The following SLC1A2 variants were observed in gnomAD, a reference collection of about 807,000 sequenced individuals.
The protein encoded by SLC1A2 is solute carrier family 1 member 2.
A neutral mutation model predicts 48.8 loss-of-function variants in SLC1A2; 15 were observed. The observed-to-expected ratio is 0.31, with a 90% CI of 0.21 to 0.47. SLC1A2 has a LOEUF of 0.47. SLC1A2 is among the 20% of genes least tolerant of loss of function. The pLI, the probability that SLC1A2 is intolerant of heterozygous loss-of-function variation, is 0.99. For synonymous variants in SLC1A2, 279 were observed against 272.6 expected (o/e 1.02, Z -0.23); for missense variants, 502 against 730.5 (o/e 0.69, Z 3.61).
At chr11:35,280,748 G>T in intron 9 of SLC1A2, 119 bp downstream of exon 9, 1 of 613,642 alleles carries the variant, frequency 1.6e-6, no homozygotes, top group Non-Finnish European at 2.9e-6. Context: ...GAAGGAGGAA[G>T]GAAGAGTGAG....
At position 35,256,935 on chromosome 11, in the gene SLC1A2, G is replaced by C. The variant is rs1950322030; in HGVS notation, c.*3959C>G. On this transcript the variant is annotated 3_prime_UTR_variant, in exon 11 of 11. Transcript: ENST00000278379. ...TCTCTGAGCACGGATATACCTACTT[G>C]GATTTACTGCTGCATTCCATGGGAA... 1 of 152,154 alleles carries C rather than the reference G, an allele frequency of 6.6e-6. No homozygotes were observed. The allele number at this position is 152,154 out of a possible 1,614,324, so 9.4% of individuals were successfully genotyped here.
intron 1 of SLC1A2, among the ~76,000 whole-genome samples, chr11:35,358,824 A>C (rs1302247190): frequency 6.6e-6 from 1 of 152,188 alleles, no homozygotes; most frequent in Non-Finnish European, 1.5e-5. Flanking sequence ...GAAAAAAAGA[A>C]AGAGTAATTT....
At position 35,342,395 on chromosome 11, in the gene SLC1A2, C is replaced by T. The variant is rs372699234; in HGVS notation, c.18-24879G>A. Among the ~76,000 whole-genome samples the T allele has an allele frequency of 2.0e-5, 3 of 152,244 alleles. No homozygotes were observed. In the Middle Eastern group the frequency reaches 0.01, roughly 518 times the overall value. On this transcript the variant is annotated intron_variant, in intron 1 of 10. Coordinates refer to ENST00000278379, the MANE Select transcript of SLC1A2 (RefSeq NM_004171.4). ...CTCCAAGCTCACCCGATGCAGATAC[C>T]GACAAAAAGTAACTTTCTGCCCAAA... is the stretch of plus-strand genomic sequence containing the variant.
chr11:35,407,766 C>T (rs946236014), intron 1 of SLC1A2, among the ~76,000 whole-genome samples: 5 of 152,146 alleles, frequency 3.3e-5, no homozygotes, highest in African/African-American at 1.2e-4. Flanking sequence ...CTCTTGACTC[C>T]CTTCCTTACT....
At chr11:35,308,622 T>C (rs1475408404) in intron 4 of SLC1A2, among the ~76,000 whole-genome samples, 1 of 152,186 alleles carries the variant, frequency 6.6e-6, no homozygotes, top group East Asian at 1.9e-4. Context: ...GCCAAACTCA[T>C]TCTTTTATAG....
chr11:35,322,615 T>A, intron 1 of SLC1A2: 1 of 1,535,210 alleles, frequency 6.5e-7, no homozygotes, highest in Non-Finnish European at 8.7e-7. Context: ...GGCTTCAGGA[T>A]CTGGAGAGGT....
intron 9 of SLC1A2, among the ~76,000 whole-genome samples, chr11:35,271,930 C>A (rs1850291176): frequency 6.6e-6 from 1 of 151,920 alleles, no homozygotes. Flanking sequence ...GTGATAGAAG[C>A]CAGCTCACTA....
intron 1 of SLC1A2, among the ~76,000 whole-genome samples, chr11:35,408,703 A>C (rs187290578): frequency 4.6e-5 from 7 of 152,352 alleles, no homozygotes; most frequent in Admixed American, 4.6e-4. Context: ...AGAGGACAAA[A>C]GGGTAAAAGT....
chr11:35,272,152 G>C (rs1850296586), intron 9 of SLC1A2, among the ~76,000 whole-genome samples: 1 of 152,166 alleles, frequency 6.6e-6, no homozygotes, highest in Admixed American at 6.5e-5. Flanking sequence ...TGAAGATACA[G>C]AGAAGAGGGA....
At chr11:35,396,929 T>C (rs1465942737) in intron 1 of SLC1A2, among the ~76,000 whole-genome samples, 71 of 151,272 alleles carry the variant, frequency 4.7e-4, no homozygotes, top group African/African-American at 1.7e-3. Context: ...CCATTCACAA[T>C]TGCTTCAAAG....
chr11:35,344,688 A>T (rs938463352), intron 1 of SLC1A2, among the ~76,000 whole-genome samples: 1 of 152,218 alleles, frequency 6.6e-6, no homozygotes, highest in African/African-American at 2.4e-5. Context: ...ACATGGTGAA[A>T]GACAAAAAGA....
At position 35,256,612 on chromosome 11, in the gene SLC1A2, GT is replaced by G. The variant is rs57775714; in HGVS notation, c.*4281del. 57,215 of 150,238 alleles carry G rather than the reference GT, an allele frequency of 0.38. 11,030 individuals carry two copies. The highest frequency in any genetic ancestry group is 0.54 in the South Asian group (2,572 of 4,766). The allele number at this position is 150,238 out of a possible 1,614,324, so 9.3% of individuals were successfully genotyped here. ...ACTCACTCCAGAATTCCTTCAGGCT[GT>G]TTTTTTTTTAACTTAGTCTTCTTCT... On this transcript the variant is annotated 3_prime_UTR_variant, in exon 11 of 11. Coordinates refer to ENST00000278379, the MANE Select transcript of SLC1A2 (RefSeq NM_004171.4).
intron 1 of SLC1A2, chr11:35,399,643 T>C (rs1420457122): frequency 1.0e-6 from 1 of 977,762 alleles, no homozygotes; most frequent in African/African-American, 1.8e-5. Context: ...CAATCATCTA[T>C]TCCTACTCAA....
chr11:35,266,829 T>A (rs1358576236), intron 9 of SLC1A2, among the ~76,000 whole-genome samples: 4 of 152,220 alleles, frequency 2.6e-5, no homozygotes. Context: ...TTTAATTTGT[T>A]CTTGGAACAA....
intron 1 of SLC1A2, among the ~76,000 whole-genome samples, chr11:35,333,852 T>G (rs11033074): frequency 9.4e-6 from 1 of 106,600 alleles, no homozygotes; most frequent in African/African-American, 3.6e-5. Context: ...TTTTTTTTTG[T>G]ATTTTTAGTA....
chr11:35,360,275 A>C (rs1853629580), intron 1 of SLC1A2: 1 of 155,642 alleles, frequency 6.4e-6, no homozygotes, highest in South Asian at 2.1e-4. Flanking sequence ...TGGGAGTTAA[A>C]GTCATCATCA....
chr11:35,420,325 C>T (rs530436870), upstream of SLC1A2, among the ~76,000 whole-genome samples: 2 of 151,998 alleles, frequency 1.3e-5, no homozygotes, highest in South Asian at 4.2e-4. Flanking sequence ...AGAGTTCGAG[C>T]CTTCCGGACG....
At chr11:35,262,404 C>A (rs1418920618) in intron 10 of SLC1A2, among the ~76,000 whole-genome samples, 1 of 152,134 alleles carries the variant, frequency 6.6e-6, no homozygotes, top group African/African-American at 2.4e-5. Context: ...TTGGCGTTTC[C>A]TTTCTTGGCT....
In SLC1A2 at chr11:35,311,897, G is replaced by A. The variant is rs12226211; in HGVS notation, c.561+301C>T. 9.6e-3 allele frequency among the ~76,000 whole-genome samples: 247 copies of A among 25,654 alleles called. 17 individuals carry two copies. Among genetic ancestry groups the A allele is most frequent in the South Asian group, 0.023 (8 of 350 alleles). 16.8% of individuals were successfully genotyped at this position (25,654 alleles called of 152,430 possible). On this transcript the variant is annotated intron_variant, in intron 4 of 10. Coordinates refer to ENST00000278379, the MANE Select transcript of SLC1A2 (RefSeq NM_004171.4). ...GAGAGAGAGAGAGAGAGAGAGGGAG[G>A]GAGAGAGAGAGAGAGAGAGAGAGAG...
Sources: allele counts gnomAD v4.1 joint callset (sites outside exome capture counted in the v4.1 genomes callset), GRCh38; gene constraint gnomAD v4.1.1; transcripts MANE v1.5; gene names NCBI Gene and HGNC (gene_info 2026-07-23, HGNC 2026-07-21).